The following PCLO variants were observed in gnomAD, a reference collection of about 807,000 sequenced individuals.
The protein encoded by PCLO is protein piccolo.
Under a neutral mutation model 427.5 loss-of-function variants are expected in PCLO, and 82 were observed. The observed-to-expected ratio is 0.19, with a 90% CI of 0.16 to 0.23. PCLO has a LOEUF of 0.23. Among genes scored for constraint, PCLO ranks in the 10% least tolerant of loss-of-function variants. The probability of loss-of-function intolerance (pLI) is 1.00; values close to 1 mark genes in which losing one functional copy is unlikely to be tolerated. For synonymous variants in PCLO, 2,357 were observed against 2,155.4 expected (o/e 1.09, Z -2.59); for missense variants, 6,239 against 6,115.9 (o/e 1.02, Z -0.67).
At chr7:82,890,855 C>CTTTCAACTTA (rs1793746312) in intron 9 of PCLO, among the ~76,000 whole-genome samples, 1 of 151,870 alleles carries the variant, frequency 6.6e-6, no homozygotes, top group Non-Finnish European at 1.5e-5. Context: ...AACAGTTATA[C>CTTTCAACTTA]TTTCAACTTA....
chr7:83,041,641 ACAGT>A (rs1788975962), intron 3 of PCLO, among the ~76,000 whole-genome samples: 1 of 152,186 alleles, frequency 6.6e-6, no homozygotes, highest in Non-Finnish European at 1.5e-5. Context: ...CCTATAGTGT[ACAGT>A]CAGTCTAGAA....
chr7:83,104,980 A>C (rs1470062506), intron 3 of PCLO, among the ~76,000 whole-genome samples: 1 of 152,104 alleles, frequency 6.6e-6, no homozygotes, highest in African/African-American at 2.4e-5. Context: ...CAGAGTTTTC[A>C]GTAGCAAGAT....
chr7:83,159,968 T>A (rs778075084), intron 1 of PCLO, among the ~76,000 whole-genome samples: 27 of 152,080 alleles, frequency 1.8e-4, no homozygotes, highest in Non-Finnish European at 3.5e-4. Context: ...TTACACCCCA[T>A]TGAACTGATT....
chr7:83,093,492 A>ATATATATATATATATATATTTT, intron 3 of PCLO, among the ~76,000 whole-genome samples: 1 of 59,302 alleles, frequency 1.7e-5, no homozygotes, highest in Non-Finnish European at 3.3e-5. Context: ...ATATATATAT[A>ATATATATATATATATATATTTT]TTTTTTTTTT....
chr7:83,086,412 A>G (rs1344166371), intron 3 of PCLO, among the ~76,000 whole-genome samples: 1 of 152,112 alleles, frequency 6.6e-6, no homozygotes, highest in Non-Finnish European at 1.5e-5. Context: ...CCTGGCTGAC[A>G]ATTTCTTTAA....
At chr7:82,783,307 T>TC (rs1790913385) in intron 22 of PCLO, among the ~76,000 whole-genome samples, 1 of 152,190 alleles carries the variant, frequency 6.6e-6, no homozygotes, top group Admixed American at 6.5e-5. Flanking sequence ...TAAAGAAATA[T>TC]CACATTTAAA....
At chr7:82,989,304 C>G (rs1240993488) in intron 3 of PCLO, among the ~76,000 whole-genome samples, 2 of 152,064 alleles carry the variant, frequency 1.3e-5, no homozygotes, top group African/African-American at 4.8e-5. Flanking sequence ...AAAGAAAACA[C>G]TTGAATTTCT....
rs1464996435 is a variant in PCLO, at chr7:82,760,646, G to A, written c.15281C>T (p.Ser5094Phe). ...FRFSLSPAGH[S>F]LQILLFSNGG... ...TACATAATACAGAGCTACCTGAAGA[G>A]AATGTCCTGCAGGACTTAGACTGAA... Residue 5094 changes from serine to phenylalanine, a missense_variant, in exon 24 of 25, where the codon TCT (serine) becomes TTT (phenylalanine). Coordinates refer to ENST00000333891, the MANE Select transcript of PCLO (RefSeq NM_033026.6). 6 of 1,590,586 alleles carry A rather than the reference G, an allele frequency of 3.8e-6. No homozygotes were observed. Among genetic ancestry groups the A allele is most frequent in the Admixed American group, 3.6e-5 (2 of 55,356 alleles).
intron 12 of PCLO, 66 bp from the exon 13 acceptor site, chr7:82,845,551 T>C: frequency 8.3e-6 from 9 of 1,086,502 alleles, no homozygotes; most frequent in South Asian, 1.3e-5. Context: ...CATGGAACTA[T>C]GTGAGTTCTA....
chr7:82,892,290 G>A (rs1323876546), intron 9 of PCLO, among the ~76,000 whole-genome samples: 2 of 152,050 alleles, frequency 1.3e-5, no homozygotes. Flanking sequence ...ACAACTATCT[G>A]ATCTTTGACA....
At chr7:82,824,871 C>T (rs1003733391) in intron 18 of PCLO, among the ~76,000 whole-genome samples, 1 of 151,864 alleles carries the variant, frequency 6.6e-6, no homozygotes, top group African/African-American at 2.4e-5. Context: ...ATGGCATGAA[C>T]CCAGGAGGCA....
intron 14 of PCLO, 45 bp from the exon 15 acceptor site, chr7:82,838,387 T>G (rs1335095668): frequency 2.6e-6 from 3 of 1,134,446 alleles, no homozygotes. Context: ...AAAAGCATGT[T>G]ATACATTATC....
intron 3 of PCLO, among the ~76,000 whole-genome samples, chr7:83,130,013 T>G (rs996436200): frequency 2.3e-4 from 32 of 140,956 alleles, no homozygotes; most frequent in Non-Finnish European, 4.0e-4. Flanking sequence ...ATTTCCTAAT[T>G]TTTTTTTTTT....
chr7:82,980,477 T>C (rs1796122251), intron 3 of PCLO, among the ~76,000 whole-genome samples: 1 of 152,164 alleles, frequency 6.6e-6, no homozygotes, highest in Admixed American at 6.6e-5. Context: ...TGATTGAGCC[T>C]GTCATCTTGG....
At chr7:83,069,106 G>A (rs974830697) in intron 3 of PCLO, among the ~76,000 whole-genome samples, 1 of 152,108 alleles carries the variant, frequency 6.6e-6, no homozygotes. Context: ...AATTTCAATC[G>A]TAAGAGAAAC....
intron 3 of PCLO, among the ~76,000 whole-genome samples, chr7:82,989,109 C>CTGTAATTA (rs1372427547): frequency 6.6e-6 from 1 of 152,104 alleles, no homozygotes; most frequent in Non-Finnish European, 1.5e-5. Context: ...CAGGCATGAG[C>CTGTAATTA]CACTGCGCTT....
intron 3 of PCLO, among the ~76,000 whole-genome samples, chr7:83,080,579 G>C (rs1790072292): frequency 6.6e-6 from 1 of 152,040 alleles, no homozygotes; most frequent in Non-Finnish European, 1.5e-5. Flanking sequence ...ATTTCCGTAT[G>C]TCATTTGAAT....
chr7:82,807,205 C>T (rs1791473723), intron 20 of PCLO, among the ~76,000 whole-genome samples: 1 of 147,368 alleles, frequency 6.8e-6, no homozygotes, highest in East Asian at 2.0e-4. Context: ...GCTTTACTGT[C>T]AACAGCTGTT....
Position 82,991,260 on chromosome 7 carries a change from T to C in PCLO, c.3301-24773A>G, listed in dbSNP as rs574513423. On this transcript the variant is annotated intron_variant, in intron 3 of 24. Transcript: ENST00000333891. ...TGTTGTTACCACATCATTGAAATGA[T>C]ATGCCTTTTATGTAGATTTTATATA... is the stretch of plus-strand genomic sequence containing the variant. 3.9e-5 allele frequency among the ~76,000 whole-genome samples: 6 copies of C among 152,262 alleles called. No individual in the cohort carries two copies. The South Asian group carries it at 1.2e-3, about 32-fold the overall frequency.
Sources: gnomAD v4.1 joint callset for allele counts (sites outside exome capture counted in the v4.1 genomes callset) on GRCh38, gnomAD v4.1.1 for gene constraint, MANE v1.5 for transcripts, NCBI Gene and HGNC (gene_info 2026-07-23, HGNC 2026-07-21) for gene names.